The following RBM47 variants were observed in gnomAD, a reference collection of about 807,000 sequenced individuals.
The protein encoded by RBM47 is RNA binding motif protein 47.
A neutral mutation model predicts 47.1 loss-of-function variants in RBM47; 21 were observed. The observed-to-expected ratio is 0.45, with a 90% CI of 0.32 to 0.64. The LOEUF is 0.64. Among genes scored for constraint, RBM47 ranks in the 30% least tolerant of loss-of-function variants. The pLI is 0.05. For missense variants in RBM47, 708 were observed against 870.9 expected (o/e 0.81, Z 2.35); for synonymous variants, 375 against 361.7 (o/e 1.04, Z -0.42).
At chr4:40,605,324 G>A (rs1353761261) in intron 1 of RBM47, among the ~76,000 whole-genome samples, 6 of 151,922 alleles carry the variant, frequency 3.9e-5, no homozygotes, top group Non-Finnish European at 7.4e-5. Context: ...TCTGCCCGGC[G>A]CGCCACATGG....
chr4:40,587,713 A>G (rs1733727850), intron 1 of RBM47, among the ~76,000 whole-genome samples: 1 of 152,208 alleles, frequency 6.6e-6, no homozygotes, highest in Admixed American at 6.5e-5. Context: ...AATGGGCGTC[A>G]TAACACCCCT....
rs1235805272 is a variant in RBM47, at chr4:40,628,019, TA to T, written c.-240+1376del. On this transcript the variant is annotated intron_variant, in intron 1 of 6. Coordinates refer to ENST00000295971, the MANE Select transcript of RBM47 (RefSeq NM_001098634.2). This position sits in a 1 kb window ranked among gnomAD's most constrained non-coding sequence, Gnocchi z 4.0. ...TCAGAATATCTTGATCTAATTAATTTAAAGCATGGCCTACCTAGCCAGGTAA... is the reference window on the plus strand; with the variant it reads ...TCAGAATATCTTGATCTAATTAATTTAAGCATGGCCTACCTAGCCAGGTAA... Among the ~76,000 whole-genome samples, 2 of 152,220 alleles carry T rather than the reference TA, an allele frequency of 1.3e-5. No individual in the cohort carries two copies. The highest frequency in any genetic ancestry group is 2.4e-5 in the African/African-American group (1 of 41,452).
At chr4:40,533,569 C>G (rs1218743394) in intron 2 of RBM47, among the ~76,000 whole-genome samples, 2 of 152,004 alleles carry the variant, frequency 1.3e-5, no homozygotes, top group Non-Finnish European at 2.9e-5. Flanking sequence ...AATACTGATT[C>G]CTGGGCTCCC....
At chr4:40,536,201 G>A (rs1727964803) in intron 2 of RBM47, among the ~76,000 whole-genome samples, 1 of 152,250 alleles carries the variant, frequency 6.6e-6, no homozygotes, top group African/African-American at 2.4e-5. Context: ...CATGGCTGAA[G>A]TGAATGTCAG....
At chr4:40,459,948 G>A (rs1436401808) in intron 3 of RBM47, among the ~76,000 whole-genome samples, 1 of 152,158 alleles carries the variant, frequency 6.6e-6, no homozygotes, top group Non-Finnish European at 1.5e-5. Context: ...TAGAGACGGG[G>A]TTTCACCACG....
chr4:40,445,255 C>T (rs548626851), intron 3 of RBM47, among the ~76,000 whole-genome samples: 1 of 133,844 alleles, frequency 7.5e-6, no homozygotes, highest in African/African-American at 2.8e-5. Context: ...GCCTGGGCGA[C>T]AGAGCGAGAC....
At chr4:40,480,708 T>C (rs564916926) in intron 2 of RBM47, among the ~76,000 whole-genome samples, 2 of 152,334 alleles carry the variant, frequency 1.3e-5, no homozygotes, top group South Asian at 4.2e-4. Context: ...CATTAATTCT[T>C]AGAAACCTGC....
rs190689549 is a variant in RBM47 at position 40,459,465 on chromosome 4, G to A, written c.-32+7112C>T. ...CCTGAAATCCCAGCTACTGGGGAGG[G>A]TGAGGTGGGAGGATTGCTTGAGCCT... On this transcript the variant is annotated intron_variant, in intron 3 of 6. Coordinates refer to ENST00000295971, the MANE Select transcript of RBM47 (RefSeq NM_001098634.2). Among the ~76,000 whole-genome samples the A allele has an allele frequency of 4.2e-4, 64 of 152,120 alleles. No individual in the cohort carries two copies. The East Asian group carries it at 0.011, about 26-fold the overall frequency.
intron 1 of RBM47, among the ~76,000 whole-genome samples, chr4:40,599,124 G>A (rs763466894): frequency 6.6e-6 from 1 of 151,894 alleles, no homozygotes; most frequent in Non-Finnish European, 1.5e-5. Flanking sequence ...TAGGTGTGGT[G>A]GCACACCCCT....
intron 2 of RBM47, among the ~76,000 whole-genome samples, chr4:40,470,959 T>C (rs908565305): frequency 1.1e-4 from 17 of 152,256 alleles, no homozygotes; most frequent in South Asian, 1.0e-3. Context: ...GCCAGGCTGG[T>C]CCTGAACGCC....
At chr4:40,620,382 G>A (rs1293082440) in intron 1 of RBM47, among the ~76,000 whole-genome samples, 1 of 150,930 alleles carries the variant, frequency 6.6e-6, no homozygotes, top group Non-Finnish European at 1.5e-5. Context: ...GCAGGCGCCT[G>A]TAATCCCAGC....
In RBM47 at chr4:40,500,343, G is replaced by A. The variant is rs753025355; in HGVS notation, c.-154-33644C>T. 1.3e-4 allele frequency among the ~76,000 whole-genome samples: 20 copies of A among 152,062 alleles called. 1 individual carries two copies. Among genetic ancestry groups the A allele is most frequent in the Admixed American group, 1.2e-3 (19 of 15,260 alleles). ...CAAAAAAAAAAGGGCTGGACTCAGCGGCTCATGCCTGTAATCCCAGCACTT... is the reference window on the plus strand; with the variant it reads ...CAAAAAAAAAAGGGCTGGACTCAGCAGCTCATGCCTGTAATCCCAGCACTT... On this transcript the variant is annotated intron_variant, in intron 2 of 6. Coordinates refer to ENST00000295971, the MANE Select transcript of RBM47 (RefSeq NM_001098634.2).
rs78803844 is a variant in RBM47 at position 40,560,965 on chromosome 4, G to GAA, written c.-239-16461_-239-16460dup. Among the ~76,000 whole-genome samples, 16 of 134,040 alleles carry GAA rather than the reference G, an allele frequency of 1.2e-4. No individual in the cohort carries two copies. The East Asian group carries it at 1.3e-3, about 11-fold the overall frequency. The allele number at this position is 134,040 out of a possible 152,430, so 87.9% of individuals were successfully genotyped here. On this transcript the variant is annotated intron_variant, in intron 1 of 6. Transcript: ENST00000295971. ...GGGCAAAAAGTAAGACTCCTTCTCG[G>GAA]AAAAAAAAAAAAAAAAGTTGCTGCT...
At chr4:40,620,195 G>GAAA (rs200356171) in intron 1 of RBM47, among the ~76,000 whole-genome samples, 6 of 80,208 alleles carry the variant, frequency 7.5e-5, no homozygotes, top group Admixed American at 1.2e-4. Flanking sequence ...GACTCAGTAT[G>GAAA]AAAAAAAAAA....
intron 2 of RBM47, among the ~76,000 whole-genome samples, chr4:40,513,254 G>A (rs1725177753): frequency 6.6e-6 from 1 of 152,116 alleles, no homozygotes; most frequent in Non-Finnish European, 1.5e-5. Context: ...AAGCGTCATT[G>A]GGCAAAAATA....
At chr4:40,440,158 A>G (rs7349614) in intron 3 of RBM47, among the ~76,000 whole-genome samples, 6,257 of 152,280 alleles carry the variant, frequency 0.041, 184 homozygotes, top group Middle Eastern at 0.075. Flanking sequence ...AATCTATTTC[A>G]TTTTTTGGAC....
At chr4:40,602,479 C>T (rs1288580247) in intron 1 of RBM47, among the ~76,000 whole-genome samples, 1 of 151,732 alleles carries the variant, frequency 6.6e-6, no homozygotes, top group African/African-American at 2.4e-5. Flanking sequence ...GAAACCCCGT[C>T]TCTACTAAAA....
chr4:40,585,714 G>T (rs144955473), intron 1 of RBM47, among the ~76,000 whole-genome samples: 2 of 152,282 alleles, frequency 1.3e-5, no homozygotes, highest in Admixed American at 6.5e-5. Context: ...ATCAAGCACG[G>T]TTTATTAACC....
intron 1 of RBM47, among the ~76,000 whole-genome samples, chr4:40,602,388 G>T (rs762095435): frequency 3.3e-5 from 5 of 151,922 alleles, no homozygotes; most frequent in African/African-American, 1.2e-4. Context: ...GGTCGCTCAC[G>T]CCTGTAATCC....
Sources: gnomAD v4.1 joint callset for allele counts (sites outside exome capture counted in the v4.1 genomes callset) on GRCh38, gnomAD v4.1.1 for gene constraint, Gnocchi (gnomAD v3.1) non-coding constraint, MANE v1.5 for transcripts, NCBI Gene and HGNC (gene_info 2026-07-23, HGNC 2026-07-21) for gene names.